CATSPERB: variants seen among roughly 807,000 people sequenced by gnomAD.
The protein encoded by CATSPERB is catsper channel auxiliary subunit beta.
A neutral mutation model predicts 128.3 loss-of-function variants in CATSPERB; 93 were observed. The observed-to-expected ratio is 0.72, with a 90% CI of 0.61 to 0.86. The LOEUF (loss-of-function observed/expected upper bound fraction) is 0.86, where lower values mean the gene tolerates loss of function less well. Ranked by LOEUF, CATSPERB falls within the 40% of genes least tolerant of loss-of-function variation. CATSPERB has a pLI of 0.00. For synonymous variants in CATSPERB, 381 were observed against 448.8 expected, an observed-to-expected ratio of 0.85 and a Z score of 1.91; for missense variants, 1,153 against 1,329.5, an observed-to-expected ratio of 0.87 and a Z score of 2.06.
intron 18 of CATSPERB, among the ~76,000 whole-genome samples, chr14:91,623,264 C>T (rs1052721901): frequency 3.3e-5 from 5 of 152,112 alleles, no homozygotes; most frequent in Admixed American, 6.6e-5. Flanking sequence ...GACCTATTGG[C>T]GTTATGCAAC....
intron 10 of CATSPERB, among the ~76,000 whole-genome samples, chr14:91,687,813 A>C (rs1895400204): frequency 6.6e-6 from 1 of 152,038 alleles, no homozygotes; most frequent in Non-Finnish European, 1.5e-5. Context: ...AAATTAGCTG[A>C]GCGTGGTAGA....
intron 3 of CATSPERB, 37 bp from the exon 4 acceptor site, chr14:91,723,226 C>A (rs368546170): frequency 2.1e-6 from 3 of 1,406,206 alleles, no homozygotes; most frequent in African/African-American, 1.5e-5. Flanking sequence ...CAACTAATAA[C>A]CACTTGATGC....
chr14:91,592,000 T>C lies in CATSPERB; in HGVS notation c.2712A>G (p.Lys904=), dbSNP rs1893414213. ...TAGCACACTGTTTGAATTTACCGGT[T>C]TTCTGCAAATAGAAGTAACAGATGT... ...IPRNMFHMSK[K]TGKFKQCANV... The change falls in exon 23 of 27, where the codon AAA becomes AAG. Residue 904 remains lysine, a splice_region_variant and synonymous_variant. Transcript: ENST00000256343. The C allele has an allele frequency of 6.2e-7, 1 of 1,603,704 alleles. No individual in the cohort carries two copies. The highest frequency in any genetic ancestry group is 8.5e-7 in the Non-Finnish European group (1 of 1,170,814).
intron 15 of CATSPERB, among the ~76,000 whole-genome samples, chr14:91,641,400 A>C (rs1477774738): frequency 6.6e-6 from 1 of 151,468 alleles, no homozygotes; most frequent in East Asian, 1.9e-4. Flanking sequence ...ATCCATCTTG[A>C]ATTGATTTTT....
intron 17 of CATSPERB, among the ~76,000 whole-genome samples, chr14:91,630,938 A>G (rs769743346): frequency 6.6e-6 from 1 of 152,134 alleles, no homozygotes; most frequent in African/African-American, 2.4e-5. Flanking sequence ...TGCATCATCT[A>G]TACTGGCTTT....
intron 2 of CATSPERB, among the ~76,000 whole-genome samples, chr14:91,728,600 C>T (rs185611268): frequency 3.7e-4 from 57 of 152,332 alleles, no homozygotes; most frequent in East Asian, 1.9e-3. Context: ...TTTCCCTCCA[C>T]GGACTGCTTT....
At chr14:91,644,058 G>T (rs1894546210) in intron 15 of CATSPERB, among the ~76,000 whole-genome samples, 1 of 137,508 alleles carries the variant, frequency 7.3e-6, no homozygotes, top group African/African-American at 2.8e-5. Context: ...TTTTCCATTT[G>T]CTTGGTAGAT....
In CATSPERB at chr14:91,672,899, G is replaced by A. The variant is rs150597625; in HGVS notation, c.1096C>T (p.Arg366Cys). 1.1e-5 allele frequency: 18 copies of A among 1,594,754 alleles called. No individual in the cohort carries two copies. In the African/African-American group the frequency reaches 1.4e-4, roughly 12 times the overall value. The change falls in exon 13 of 27, where the codon CGT (arginine) becomes TGT (cysteine). Residue 366 changes from arginine to cysteine, a missense_variant. By Grantham distance (180) the Arg-to-Cys change is radical (BLOSUM62 -3). Coordinates refer to ENST00000256343, the MANE Select transcript of CATSPERB (RefSeq NM_024764.4). The stretch of plus-strand genomic sequence containing the variant: ...TAGAAGAGGTAAACTCCAGTACCAC[G>A]CTCTTGGTCAACAAGAAATGTTAGC... Reference protein sequence around the residue: ...TVLTFLVDQERGTGVYLFYNK... With the variant: ...TVLTFLVDQECGTGVYLFYNK...
chr14:91,707,575 C>CTTTTTT (rs539712771), intron 6 of CATSPERB, among the ~76,000 whole-genome samples: 2 of 58,254 alleles, frequency 3.4e-5, no homozygotes, highest in Non-Finnish European at 6.1e-5. Context: ...TATGTACTTC[C>CTTTTTT]TTTTTTTTTT....
chr14:91,609,434 A>C (rs1471827370), intron 21 of CATSPERB, among the ~76,000 whole-genome samples: 1 of 152,200 alleles, frequency 6.6e-6, no homozygotes, highest in African/African-American at 2.4e-5. Context: ...GCAACATTAG[A>C]GTTCACCCAA....
At chr14:91,712,028 A>T (rs1158432195) in intron 5 of CATSPERB, among the ~76,000 whole-genome samples, 1 of 152,216 alleles carries the variant, frequency 6.6e-6, no homozygotes, top group Non-Finnish European at 1.5e-5. Context: ...TTGAAAGAAG[A>T]GGAAAACACA....
At chr14:91,616,866 C>T (rs1236108264) in intron 20 of CATSPERB, among the ~76,000 whole-genome samples, 4 of 151,066 alleles carry the variant, frequency 2.6e-5, no homozygotes, top group East Asian at 1.9e-4. Context: ...CTCAGCCTCT[C>T]GAGTAGCTGG....
At position 91,636,478 on chromosome 14, in the gene CATSPERB, C is replaced by G. The variant is rs750466448; in HGVS notation, c.1689G>C (p.Thr563=). 1.9e-6 allele frequency: 3 copies of G among 1,613,922 alleles called. No homozygotes were observed. Among genetic ancestry groups the G allele is most frequent in the Non-Finnish European group, 2.5e-6 (3 of 1,180,004 alleles). Residue 563 remains threonine, a synonymous_variant, in exon 17 of 27, where the codon ACG becomes ACC. Coordinates refer to ENST00000256343, the MANE Select transcript of CATSPERB (RefSeq NM_024764.4). ...TATTGCCGAACTTCTTGCTGTAGATCGTTTCCTGGGGTTCGTTCTCAGGTA... is the reference window on the plus strand; with the variant it reads ...TATTGCCGAACTTCTTGCTGTAGATGGTTTCCTGGGGTTCGTTCTCAGGTA... ...AYVPENEPQE[T]IYSKKFGNIH...
At chr14:91,599,428 G>A (rs903200489) in intron 22 of CATSPERB, among the ~76,000 whole-genome samples, 6 of 151,332 alleles carry the variant, frequency 4.0e-5, no homozygotes, top group African/African-American at 1.2e-4. Flanking sequence ...GTGTGGTGGC[G>A]GGCGCCTGTA....
At chr14:91,607,844 G>T (rs1893740819) in intron 22 of CATSPERB, among the ~76,000 whole-genome samples, 1 of 152,000 alleles carries the variant, frequency 6.6e-6, no homozygotes, top group South Asian at 2.1e-4. Flanking sequence ...CTCCTCCCTT[G>T]TCTCCCTCCC....
intron 13 of CATSPERB, among the ~76,000 whole-genome samples, chr14:91,670,660 A>G (rs1202090121): frequency 2.6e-5 from 4 of 151,898 alleles, no homozygotes; most frequent in African/African-American, 9.7e-5. Context: ...AGCCTGAGTG[A>G]GAGTGAGACC....
In CATSPERB at chr14:91,691,110, G is replaced by A. The variant is rs146666894; in HGVS notation, c.864+413C>T. Among the ~76,000 whole-genome samples, 309 of 152,234 alleles carry A rather than the reference G, an allele frequency of 2.0e-3. 1 individual carries two copies. Among genetic ancestry groups the A allele is most frequent in the African/African-American group, 6.4e-3 (266 of 41,534 alleles). Reference sequence around the variant, plus strand: ...AAGTTAGAAAAGGTACCCCTTTCTCGAAGTAGAACAGACTTACACTGGGGT... The same window carrying A: ...AAGTTAGAAAAGGTACCCCTTTCTCAAAGTAGAACAGACTTACACTGGGGT... On this transcript the variant is annotated intron_variant, in intron 10 of 26. Transcript: ENST00000256343.
chr14:91,627,984 G>GA (rs1242357680), intron 17 of CATSPERB, among the ~76,000 whole-genome samples: 15 of 152,068 alleles, frequency 9.9e-5, no homozygotes, highest in Non-Finnish European at 1.2e-4. Flanking sequence ...TCTCTAAAAA[G>GA]AAAAAAATAT....
Position 91,723,204 on chromosome 14 carries a change from GA to G in CATSPERB, c.169-16del, listed in dbSNP as rs35078318. The G allele has an allele frequency of 0.046, 58,136 of 1,277,338 alleles. 735 individuals are homozygous for G. The highest frequency in any genetic ancestry group is 0.051 in the Non-Finnish European group (49,322 of 976,508). 79.1% of individuals were successfully genotyped at this position (1,277,338 alleles called of 1,614,324 possible). A position where few individuals can be genotyped will look rare whatever the true frequency, so the allele number is the denominator to read the frequency against. ...CACTGGATTTTCTTTAGGAAAGCAA[GA>G]AAAAAAAAAACAACTAATAACCACT... is the stretch of plus-strand genomic sequence containing the variant. On this transcript the variant is annotated splice_polypyrimidine_tract_variant and intron_variant, in intron 3 of 26. Coordinates refer to ENST00000256343, the MANE Select transcript of CATSPERB (RefSeq NM_024764.4).
Sources: allele counts gnomAD v4.1 joint callset (sites outside exome capture counted in the v4.1 genomes callset), GRCh38; gene constraint gnomAD v4.1.1; transcripts MANE v1.5; gene names NCBI Gene and HGNC (gene_info 2026-07-23, HGNC 2026-07-21).